Variants in ZNF614 observed in about 807,000 individuals in gnomAD.
ZNF614 encodes the protein zinc finger protein 614.
In ZNF614, 11 loss-of-function variants were observed where a neutral mutation model predicts 12.8. The ratio of observed to expected loss-of-function variants is 0.86; its 90% CI spans 0.54 to 1.43. The LOEUF is 1.43. ZNF614 is among the 40% of genes most tolerant of loss of function. ZNF614 has a pLI of 0.00. For missense variants in ZNF614, 664 were observed against 708.8 expected, an observed-to-expected ratio of 0.94 and a Z score of 0.72; for synonymous variants, 237 against 237.5, an observed-to-expected ratio of 1.00 and a Z score of 0.02.
chr19:52,016,405 G>C lies in ZNF614; in HGVS notation c.1193C>G (p.Ser398Cys). ...TTTTCCACATTCGCTGCATATGTAAGATTTTTCTCCTGTGTGGGAGCGCTG... is the reference window on the plus strand; with the variant it reads ...TTTTCCACATTCGCTGCATATGTAACATTTTTCTCCTGTGTGGGAGCGCTG... The part of the protein sequence containing the change: ...VHQRSHTGEK[S>C]YICSECGKGF... The change falls in exon 5 of 5, where the codon TCT (serine) becomes TGT (cysteine). Residue 398 changes from serine to cysteine, a missense_variant. Coordinates refer to ENST00000270649, the MANE Select transcript of ZNF614 (RefSeq NM_025040.4). 1.2e-6 allele frequency: 2 copies of C among 1,614,184 alleles called. No homozygotes were observed. Among genetic ancestry groups the C allele is most frequent in the Middle Eastern group, 1.6e-4 (1 of 6,062 alleles).
In ZNF614 at chr19:52,015,814, C is replaced by T. The variant is rs767502096; in HGVS notation, c.*26G>A. ...AAAAGGCATTTCCATAGTCACGGCA[C>T]TAGTAGGGTTTTCTTCTGCATGAGT... On this transcript the variant is annotated 3_prime_UTR_variant, in exon 5 of 5. Transcript: ENST00000270649. 1 of 1,574,726 alleles carries T rather than the reference C, an allele frequency of 6.4e-7. No individual in the cohort carries two copies. The highest frequency in any genetic ancestry group is 8.6e-7 in the Non-Finnish European group (1 of 1,161,272).
At position 52,017,036 on chromosome 19, in the gene ZNF614, T is replaced by C. The variant is rs775507803; in HGVS notation, c.562A>G (p.Thr188Ala). 4.3e-6 allele frequency: 7 copies of C among 1,614,158 alleles called. No individual in the cohort carries two copies. The highest frequency in any genetic ancestry group is 5.9e-6 in the Non-Finnish European group (7 of 1,180,028). Residue 188 changes from threonine (T) to alanine (A), a missense_variant, in exon 5 of 5, where the codon ACT becomes GCT. Coordinates refer to ENST00000270649, the MANE Select transcript of ZNF614 (RefSeq NM_025040.4). Reference protein sequence around the residue: ...RFSENAKCIHTKFQVFKHQRT... With the variant: ...RFSENAKCIHAKFQVFKHQRT... ...TGATGCTTGAAGACTTGGAATTTAG[T>C]ATGGATACATTTTGCATTTTCAGAA...
intron 2 of ZNF614, among the ~76,000 whole-genome samples, chr19:52,021,748 A>AT (rs966506395): frequency 9.2e-5 from 14 of 151,654 alleles, no homozygotes; most frequent in Admixed American, 6.6e-4. Context: ...GAAAAAAAAA[A>AT]AAGGAATAAA....
rs984309721 is a variant in ZNF614 at position 52,013,820 on chromosome 19, GA to G, written c.*2019del. 3.3e-5 allele frequency: 5 copies of G among 151,258 alleles called. No individual in the cohort carries two copies. The highest frequency in any genetic ancestry group is 7.4e-5 in the Non-Finnish European group (5 of 67,930). 9.4% of individuals were successfully genotyped at this position (151,258 alleles called of 1,614,324 possible). On this transcript the variant is annotated 3_prime_UTR_variant, in exon 5 of 5. Transcript: ENST00000270649. ...ACTTCTTAGAGTACAAACTAAAAAA[GA>G]AAAAAACATGTAAAAATTCGTCAAA...
intron 4 of ZNF614, 88 bp from the exon 5 acceptor site, chr19:52,017,447 C>A: frequency 2.3e-6 from 3 of 1,277,580 alleles, no homozygotes; most frequent in Non-Finnish European, 3.2e-6. Flanking sequence ...CTCATGCCTG[C>A]AATCCCAGCA....
Position 52,014,885 on chromosome 19 carries a change from A to G in ZNF614, c.*955T>C, listed in dbSNP as rs538069890. ...AAGGGCAGTGCTATGAATAACAACAACAGCAAAAACAAAACAAAACCAAAA... is the reference window on the plus strand; with the variant it reads ...AAGGGCAGTGCTATGAATAACAACAGCAGCAAAAACAAAACAAAACCAAAA... On this transcript the variant is annotated 3_prime_UTR_variant, in exon 5 of 5. Transcript: ENST00000270649. The G allele has an allele frequency of 4.6e-5, 7 of 152,342 alleles. No individual in the cohort carries two copies. In the South Asian group the frequency reaches 8.3e-4, roughly 18 times the overall value. 9.4% of individuals were successfully genotyped at this position (152,342 alleles called of 1,614,324 possible). A position where few individuals can be genotyped will look rare whatever the true frequency, so the allele number is the denominator to read the frequency against.
At position 52,018,415 on chromosome 19, in the gene ZNF614, A is replaced by G; in HGVS notation, c.95T>C (p.Leu32Pro). Reference protein sequence around the residue: ...WQLLDTAQKNLYRDVMVENYN... With the variant: ...WQLLDTAQKNPYRDVMVENYN... ...GTTCTCCACCATCACATCCCGGTACAGGTTCTTCTGAGCAGTGTCCAGGAG... is the reference window on the plus strand; with the variant it reads ...GTTCTCCACCATCACATCCCGGTACGGGTTCTTCTGAGCAGTGTCCAGGAG... Residue 32 changes from leucine (L) to proline (P), a missense_variant, in exon 3 of 5, where the codon CTG becomes CCG. Transcript: ENST00000270649. 6.2e-7 allele frequency: 1 copy of G among 1,614,172 alleles called. No homozygotes were observed. Among genetic ancestry groups the G allele is most frequent in the Non-Finnish European group, 8.5e-7 (1 of 1,180,018 alleles).
intron 1 of ZNF614, among the ~76,000 whole-genome samples, chr19:52,026,165 T>A (rs2086970726): frequency 6.6e-6 from 1 of 152,088 alleles, no homozygotes; most frequent in Non-Finnish European, 1.5e-5. Flanking sequence ...ATAGAGAAGG[T>A]GGGAAAGCAG....
In ZNF614 at chr19:52,016,826, T is replaced by C. The variant is rs144801570; in HGVS notation, c.772A>G (p.Ile258Val). 8 of 1,614,024 alleles carry C rather than the reference T, an allele frequency of 5.0e-6. No homozygotes were observed. In the African/African-American group the frequency reaches 1.1e-4, roughly 22 times the overall value. The change falls in exon 5 of 5, where the codon ATC becomes GTC. Residue 258 changes from isoleucine (I) to valine (V), a missense_variant. By Grantham distance (29) the Ile-to-Val change is conservative (BLOSUM62 3). Coordinates refer to ENST00000270649, the MANE Select transcript of ZNF614 (RefSeq NM_025040.4). The stretch of plus-strand genomic sequence containing the variant: ...TTTCTATATTCATTGGGTATACAGA[T>C]TTTGTCTGTTGTATTAGTTTTCAGA... ...KHLKTNTTDK[I>V]CIPNEYRKGS...
At chr19:52,017,609 G>A (rs1264443949) in intron 4 of ZNF614, 2 of 412,336 alleles carry the variant, frequency 4.9e-6, no homozygotes, top group Non-Finnish European at 8.6e-6. Context: ...GCTGAGGCAG[G>A]AGAATCACTT....
chr19:52,022,441 G>A (rs1333130553), intron 2 of ZNF614, among the ~76,000 whole-genome samples: 8 of 152,218 alleles, frequency 5.3e-5, no homozygotes, highest in Non-Finnish European at 1.2e-4. Context: ...CGCAACGTCT[G>A]GGAAGTGAGG....
chr19:52,018,313 G>A, intron 3 of ZNF614, 55 bp downstream of exon 3: 1 of 1,612,456 alleles, frequency 6.2e-7, no homozygotes, highest in Non-Finnish European at 8.5e-7. Flanking sequence ...GTGAGCATAG[G>A]ACGGTGTCTG....
At position 52,025,451 on chromosome 19, in the gene ZNF614, G is replaced by A. The variant is rs1345228872; in HGVS notation, c.15+280C>T. 2.0e-5 allele frequency among the ~76,000 whole-genome samples: 3 copies of A among 152,164 alleles called. No homozygotes were observed. In the East Asian group the frequency reaches 5.8e-4, roughly 29 times the overall value. ...TTCTTCTCCCACCTTAGCCTCCCGAGTAGCTGGGATTACAGGTGTGCACCA... is the reference window on the plus strand; with the variant it reads ...TTCTTCTCCCACCTTAGCCTCCCGAATAGCTGGGATTACAGGTGTGCACCA... On this transcript the variant is annotated intron_variant, in intron 2 of 4. Transcript: ENST00000270649.
intron 1 of ZNF614, among the ~76,000 whole-genome samples, chr19:52,028,008 G>C (rs561155472): frequency 6.6e-6 from 1 of 152,236 alleles, no homozygotes; most frequent in Admixed American, 6.5e-5. Context: ...GGAAAGACCT[G>C]ACCGTCCCCC....
chr19:52,021,926 A>G lies in ZNF614; in HGVS notation c.16-3432T>C, dbSNP rs540341054. Among the ~76,000 whole-genome samples the G allele has an allele frequency of 7.9e-5, 12 of 152,340 alleles. No homozygotes were observed. The East Asian group carries it at 2.3e-3, about 29-fold the overall frequency. ...TAAACAATTATAAATCAGTAAGACCACAAAAAAATTAAATGAACAAAGACT... is the reference window on the plus strand; with the variant it reads ...TAAACAATTATAAATCAGTAAGACCGCAAAAAAATTAAATGAACAAAGACT... On this transcript the variant is annotated intron_variant, in intron 2 of 4. Transcript: ENST00000270649.
At chr19:52,026,962 A>G (rs2086979251) in intron 1 of ZNF614, among the ~76,000 whole-genome samples, 1 of 152,198 alleles carries the variant, frequency 6.6e-6, no homozygotes, top group Non-Finnish European at 1.5e-5. Flanking sequence ...GTCCTGCCAC[A>G]TCCCCCTCTC....
chr19:52,021,067 A>G (rs540304200), intron 2 of ZNF614, among the ~76,000 whole-genome samples: 2 of 152,324 alleles, frequency 1.3e-5, no homozygotes, highest in African/African-American at 4.8e-5. Context: ...GTCATTTTCT[A>G]GCTTTGATTA....
intron 1 of ZNF614, 75 bp from the exon 2 acceptor site, chr19:52,026,036 T>TAAATAA (rs779235343): frequency 1.5e-5 from 5 of 337,982 alleles, no homozygotes; most frequent in Non-Finnish European, 2.7e-5. Context: ...GCACTTACCT[T>TAAATAA]AAATAAAAGA....
chr19:52,027,680 A>G (rs1173752393), intron 1 of ZNF614, among the ~76,000 whole-genome samples: 7 of 152,208 alleles, frequency 4.6e-5, no homozygotes, highest in Non-Finnish European at 1.0e-4. Flanking sequence ...AATGGCTGGC[A>G]ATAATAATAT....
Sources: allele counts gnomAD v4.1 joint callset (sites outside exome capture counted in the v4.1 genomes callset), GRCh38; gene constraint gnomAD v4.1.1; transcripts MANE v1.5; gene names NCBI Gene and HGNC (gene_info 2026-07-23, HGNC 2026-07-21).